The following TRIM40 variants were observed in gnomAD, a reference collection of about 807,000 sequenced individuals.
TRIM40 encodes tripartite motif containing 40, also known as E3 ubiquitin ligase TRIM40.
In TRIM40, 27 loss-of-function variants were observed where a neutral mutation model predicts 26.1. The ratio of observed to expected loss-of-function variants is 1.04; its 90% confidence interval spans 0.76 to 1.43. The LOEUF (loss-of-function observed/expected upper bound fraction) is 1.43, where lower values mean the gene tolerates loss of function less well. Among genes scored for constraint, TRIM40 ranks in the 40% most tolerant of loss-of-function variants. The pLI is 0.00. For synonymous variants in TRIM40, 114 were observed against 120.0 expected (o/e 0.95, Z 0.33); for missense variants, 289 against 307.9 (o/e 0.94, Z 0.46).
Position 30,148,520 on chromosome 6 carries a change from C to T in TRIM40, c.*708C>T, listed in dbSNP as rs1290421828. ...GCTTCCAGCCAACAACAAGCAGAGG[C>T]CCTCAGTCTTGTGGCTGCAAGAACC... is the stretch of plus-strand genomic sequence containing the variant. On this transcript the variant is annotated 3_prime_UTR_variant, in exon 6 of 6. Transcript: ENST00000396581. 6.6e-6 allele frequency: 1 copy of T among 152,298 alleles called. No individual in the cohort carries two copies. Among genetic ancestry groups the T allele is most frequent in the Non-Finnish European group, 1.5e-5 (1 of 68,146 alleles). 9.4% of individuals were successfully genotyped at this position (152,298 alleles called of 1,614,324 possible).
rs1198522716 is a variant in TRIM40 at position 30,147,135 on chromosome 6, G to A, written c.592G>A (p.Ala198Thr). ...GGCCAGAATCCTTGACATCTCCAGG[G>A]CAGTAACACAGCTCAGAAGCCTGGT... The part of the protein sequence containing the change: ...EAARILDISR[A>T]VTQLRSLVID... The change falls in exon 4 of 6, where the codon GCA becomes ACA. Residue 198 changes from alanine to threonine, a missense_variant. Ala to Thr is a moderately conservative substitution (Grantham distance 58). Transcript: ENST00000396581. 4.3e-6 allele frequency: 7 copies of A among 1,614,120 alleles called. No individual in the cohort carries two copies. The highest frequency in any genetic ancestry group is 2.7e-5 in the African/African-American group (2 of 74,938).
Position 30,148,110 on chromosome 6 carries a change from G to T in TRIM40, c.*298G>T. ...TCTCCATTTTGCCTGTAAACTGATG[G>T]TAGTGCCCATCTCTCACAATCTCAT... is the stretch of plus-strand genomic sequence containing the variant. On this transcript the variant is annotated 3_prime_UTR_variant, in exon 6 of 6. Coordinates refer to ENST00000396581, the MANE Select transcript of TRIM40 (RefSeq NM_001286633.2). 1 of 508,310 alleles carries T rather than the reference G, an allele frequency of 2.0e-6. No homozygotes were observed. Among genetic ancestry groups the T allele is most frequent in the Non-Finnish European group, 3.5e-6 (1 of 283,538 alleles). The allele number at this position is 508,310 out of a possible 1,614,324, so 31.5% of individuals were successfully genotyped here. A position where few individuals can be genotyped will look rare whatever the true frequency, so the allele number is the denominator to read the frequency against.
At chr6:30,138,306 A>G (rs1273866579) in intron 2 of TRIM40, among the ~76,000 whole-genome samples, 1 of 152,250 alleles carries the variant, frequency 6.6e-6, no homozygotes, top group Non-Finnish European at 1.5e-5. Context: ...TCTAATGAAT[A>G]TCCTTCAACA....
At chr6:30,140,626 G>A (rs977769994) in intron 2 of TRIM40, among the ~76,000 whole-genome samples, 5 of 152,114 alleles carry the variant, frequency 3.3e-5, no homozygotes, top group African/African-American at 9.7e-5. Context: ...GTGGATGACG[G>A]TTTGATGGGT....
intron 2 of TRIM40, 91 bp downstream of exon 2, chr6:30,137,472 C>G (rs1771089015): frequency 9.2e-7 from 1 of 1,092,552 alleles, no homozygotes; most frequent in African/African-American, 1.6e-5. Flanking sequence ...CTCAGAGTAG[C>G]TCAACAATGG....
In TRIM40 at chr6:30,146,090, G is replaced by A. The variant is rs560842412; in HGVS notation, c.441+1G>A. Reference sequence around the variant, plus strand: ...GGAGAAGAAACTGCAGGCTCTGCAGGTGGGTTTTTCGGGTTCCTGGGAAGG... The same window carrying A: ...GGAGAAGAAACTGCAGGCTCTGCAGATGGGTTTTTCGGGTTCCTGGGAAGG... On this transcript the variant is annotated splice_donor_variant, in intron 3 of 5. Transcript: ENST00000396581. LOFTEE classifies it high-confidence loss of function. 1.0e-4 allele frequency: 168 copies of A among 1,612,392 alleles called. No homozygotes were observed. The East Asian group carries it at 3.1e-3, about 30-fold the overall frequency.
intron 3 of TRIM40, 75 bp downstream of exon 3, chr6:30,146,164 T>C: frequency 8.1e-7 from 1 of 1,239,938 alleles, no homozygotes; most frequent in African/African-American, 1.5e-5. Context: ...TCTGGACATC[T>C]GTCTGTCCCT....
Position 30,147,762 on chromosome 6 carries a change from T to C in TRIM40, c.727T>C (p.Leu243=). Residue 243 remains leucine, a synonymous_variant, in exon 6 of 6, where the codon TTG becomes CTG. Transcript: ENST00000396581. The stretch of plus-strand genomic sequence containing the variant: ...GAAATTAGAGGTTATTTATCCCCAG[T>C]TGGAGAAAGGAGTCAGTGAATTGCT... ...PQKLEVIYPQ[L]EKGVSELLLQ... is the part of the protein sequence containing the mutation. The C allele has an allele frequency of 6.2e-7, 1 of 1,614,220 alleles. No individual in the cohort carries two copies. Among genetic ancestry groups the C allele is most frequent in the Non-Finnish European group, 8.5e-7 (1 of 1,180,030 alleles).
At chr6:30,140,979 G>C (rs187533580) in intron 2 of TRIM40, among the ~76,000 whole-genome samples, 43 of 152,206 alleles carry the variant, frequency 2.8e-4, no homozygotes, top group African/African-American at 9.9e-4. Context: ...TCCAGGCAAA[G>C]ACAATATTTA....
At chr6:30,144,437 G>T (rs1771530008) in intron 2 of TRIM40, among the ~76,000 whole-genome samples, 2 of 152,190 alleles carry the variant, frequency 1.3e-5, no homozygotes. Context: ...GCATGAGATG[G>T]ATTGCTAGGA....
At chr6:30,146,942 G>T in intron 3 of TRIM40, 43 bp from the exon 4 acceptor site, 1 of 1,541,998 alleles carries the variant, frequency 6.5e-7, no homozygotes, top group Non-Finnish European at 8.8e-7. Flanking sequence ...GGGCCAGGAG[G>T]GAGCCACCTG....
intron 2 of TRIM40, among the ~76,000 whole-genome samples, chr6:30,143,431 CTTTT>C (rs9278593): frequency 1.7e-5 from 2 of 116,454 alleles, no homozygotes; most frequent in Non-Finnish European, 3.6e-5. Flanking sequence ...GTTAATTTTT[CTTTT>C]TTTTTTTTTT....
intron 4 of TRIM40, 28 bp from the exon 5 acceptor site, chr6:30,147,492 T>G: frequency 6.2e-7 from 1 of 1,613,674 alleles, no homozygotes; most frequent in Non-Finnish European, 8.5e-7. Flanking sequence ...GAGAACCAAT[T>G]ATGATTCTCA....
rs760464192 is a variant in TRIM40 at position 30,147,833 on chromosome 6, C to T, written c.*21C>T. 1.2e-6 allele frequency: 2 copies of T among 1,608,472 alleles called. No individual in the cohort carries two copies. Among genetic ancestry groups the T allele is most frequent in the African/African-American group, 1.3e-5 (1 of 74,914 alleles). On this transcript the variant is annotated 3_prime_UTR_variant, in exon 6 of 6. Transcript: ENST00000396581. ...TCTGACCTGTTCATCCCTGGGACAC[C>T]TCACTTCAGGCTCACCTCAGCCTCC...
Position 30,147,968 on chromosome 6 carries a change from C to G in TRIM40, c.*156C>G. 1.6e-6 allele frequency: 1 copy of G among 639,040 alleles called. No individual in the cohort carries two copies. Among genetic ancestry groups the G allele is most frequent in the Non-Finnish European group, 2.8e-6 (1 of 361,098 alleles). The allele number at this position is 639,040 out of a possible 1,614,324, so 39.6% of individuals were successfully genotyped here. On this transcript the variant is annotated 3_prime_UTR_variant, in exon 6 of 6. Coordinates refer to ENST00000396581, the MANE Select transcript of TRIM40 (RefSeq NM_001286633.2). ...CATTTCTTCATGTCCACAGTCATCA[C>G]CTGATGCCTGACCCTCTGACTCTTG...
In TRIM40 at chr6:30,147,920, C is replaced by G; in HGVS notation, c.*108C>G. On this transcript the variant is annotated 3_prime_UTR_variant, in exon 6 of 6. Transcript: ENST00000396581. Reference sequence around the variant, plus strand: ...GGGTCTACCCAGTGCATCTTCGGGCCTGCCAGCTCCTGAACATGTCACCAT... The same window carrying G: ...GGGTCTACCCAGTGCATCTTCGGGCGTGCCAGCTCCTGAACATGTCACCAT... 1.2e-6 allele frequency: 1 copy of G among 838,896 alleles called. No individual in the cohort carries two copies. The allele number at this position is 838,896 out of a possible 1,614,324, so 52.0% of individuals were successfully genotyped here.
At chr6:30,137,514 G>A in intron 2 of TRIM40, 133 bp downstream of exon 2, 2 of 780,458 alleles carry the variant, frequency 2.6e-6, no homozygotes, top group South Asian at 1.7e-5. Context: ...GCTTCATCCT[G>A]TTTTGGACCC....
chr6:30,142,128 T>G (rs147639907), intron 2 of TRIM40, among the ~76,000 whole-genome samples: 270 of 152,296 alleles, frequency 1.8e-3, no homozygotes, highest in African/African-American at 5.9e-3. Flanking sequence ...TTTTTCACCA[T>G]ATCTCTATTT....
At chr6:30,143,247 T>C (rs1176561691) in intron 2 of TRIM40, among the ~76,000 whole-genome samples, 3 of 152,144 alleles carry the variant, frequency 2.0e-5, no homozygotes, top group African/African-American at 7.2e-5. Context: ...CAACACTATT[T>C]TTTTTGACAA....
Sources: allele counts gnomAD v4.1 joint callset (sites outside exome capture counted in the v4.1 genomes callset), GRCh38; gene constraint gnomAD v4.1.1; transcripts MANE v1.5; gene names NCBI Gene and HGNC (gene_info 2026-07-23, HGNC 2026-07-21).